The following TAOK3 variants were observed in gnomAD, a reference collection of about 807,000 sequenced individuals.
The protein encoded by TAOK3 is TAO kinase 3.
TAOK3 carries 40 observed loss-of-function variants against 120.4 expected under a neutral mutation model. The observed-to-expected ratio is 0.33, with a 90% CI of 0.26 to 0.43. The LOEUF (loss-of-function observed/expected upper bound fraction) is 0.43, where lower values mean the gene tolerates loss of function less well. TAOK3 is among the 20% of genes least tolerant of loss of function. The probability of loss-of-function intolerance (pLI) is 1.00; values close to 1 mark genes in which losing one functional copy is unlikely to be tolerated. For synonymous variants in TAOK3, 355 were observed against 387.5 expected (o/e 0.92, Z 0.99); for missense variants, 821 against 1,112.1 (o/e 0.74, Z 3.72).
chr12:118,304,118 C>T (rs2042970365), intron 1 of TAOK3, among the ~76,000 whole-genome samples: 1 of 152,120 alleles, frequency 6.6e-6, no homozygotes, highest in South Asian at 2.1e-4. Flanking sequence ...AATGAATAGA[C>T]TATGGTTTTA....
chr12:118,367,986 T>C (rs2045786965), intron 1 of TAOK3, among the ~76,000 whole-genome samples: 1 of 152,198 alleles, frequency 6.6e-6, no homozygotes, highest in Non-Finnish European at 1.5e-5. Flanking sequence ...CCAAATTAGA[T>C]ATCAAGGTAG....
chr12:118,235,679 A>G lies in TAOK3; in HGVS notation c.438-8T>C. 4 of 850,460 alleles carry G rather than the reference A, an allele frequency of 4.7e-6. No individual in the cohort carries two copies. The highest frequency in any genetic ancestry group is 6.1e-6 in the Non-Finnish European group (4 of 652,918). 52.7% of individuals were successfully genotyped at this position (850,460 alleles called of 1,614,324 possible). A position where few individuals can be genotyped will look rare whatever the true frequency, so the allele number is the denominator to read the frequency against. ...TTTCCTGCTTTAATATCCCTATAGG[A>G]AAAAAAAAAAGGGTTAGAAAATTAC... is the stretch of plus-strand genomic sequence containing the variant. On this transcript the variant is annotated splice_polypyrimidine_tract_variant and splice_region_variant and intron_variant, in intron 7 of 20. Coordinates refer to ENST00000392533, the MANE Select transcript of TAOK3 (RefSeq NM_016281.4).
At chr12:118,348,389 AGACTACTT>A (rs2044970413) in intron 1 of TAOK3, among the ~76,000 whole-genome samples, 1 of 152,200 alleles carries the variant, frequency 6.6e-6, no homozygotes, top group African/African-American at 2.4e-5. Context: ...CTGGAATTAA[AGACTACTT>A]GTCCAGCCTC....
At chr12:118,256,707 C>T (rs976082781) in intron 2 of TAOK3, among the ~76,000 whole-genome samples, 1 of 152,050 alleles carries the variant, frequency 6.6e-6, no homozygotes. Context: ...CATGTAATTT[C>T]CAGAATAGGC....
chr12:118,163,842 G>A (rs1388556607), intron 17 of TAOK3, among the ~76,000 whole-genome samples: 2 of 152,166 alleles, frequency 1.3e-5, no homozygotes, highest in East Asian at 3.9e-4. Context: ...CTCCAGAGTA[G>A]CTTGGACTAC....
chr12:118,162,399 G>T (rs17586342), intron 17 of TAOK3, among the ~76,000 whole-genome samples: 28,625 of 151,910 alleles, frequency 0.19, 2,845 homozygotes, highest in African/African-American at 0.24. Context: ...ACACCCTGAC[G>T]GCCCATAAAA....
Position 118,371,726 on chromosome 12 carries a change from C to G in TAOK3, c.-194+922G>C, listed in dbSNP as rs899954800. 3.9e-5 allele frequency among the ~76,000 whole-genome samples: 6 copies of G among 152,080 alleles called. No individual in the cohort carries two copies. The highest frequency in any genetic ancestry group is 8.8e-5 in the Non-Finnish European group (6 of 67,980). On this transcript the variant is annotated intron_variant, in intron 1 of 20. Coordinates refer to ENST00000392533, the MANE Select transcript of TAOK3 (RefSeq NM_016281.4). This position sits in a 1 kb window ranked among gnomAD's most constrained non-coding sequence, Gnocchi z 5.5. ...AACTCAGCGGGCGCGACCCCCCGCC[C>G]GCTCCCTCGCTGCTCACGCCGGGCC...
chr12:118,244,768 G>C (rs537472813), intron 4 of TAOK3, 126 bp downstream of exon 4: 2 of 606,194 alleles, frequency 3.3e-6, no homozygotes, highest in Non-Finnish European at 3.0e-6. Context: ...GACCTCGTGA[G>C]CCGCCCACCT....
At chr12:118,246,780 C>T in intron 3 of TAOK3, 1 of 1,478,184 alleles carries the variant, frequency 6.8e-7, no homozygotes, top group Non-Finnish European at 9.3e-7. Context: ...CACTGCCACC[C>T]TGGGCAACTT....
chr12:118,266,745 T>A lies in TAOK3; in HGVS notation c.-179A>T. ...TCTCTTTTATAACTTCAGTCCTTTG[T>A]ATTTATGATGCAACCTATAGAAAAA... On this transcript the variant is annotated 5_prime_UTR_variant, in exon 2 of 21. Transcript: ENST00000392533. The A allele has an allele frequency of 2.5e-6, 1 of 397,756 alleles. No individual in the cohort carries two copies. The highest frequency in any genetic ancestry group is 4.4e-6 in the Non-Finnish European group (1 of 225,566). The allele number at this position is 397,756 out of a possible 1,614,324, so 24.6% of individuals were successfully genotyped here.
chr12:118,361,929 A>AATAATAAT (rs539500574), intron 1 of TAOK3, among the ~76,000 whole-genome samples: 2 of 132,726 alleles, frequency 1.5e-5, no homozygotes, highest in East Asian at 2.0e-4. Flanking sequence ...ATAATAATAA[A>AATAATAAT]AAAACATGCT....
chr12:118,152,888 A>C (rs1158569073), intron 19 of TAOK3: 1 of 153,764 alleles, frequency 6.5e-6, no homozygotes, highest in East Asian at 1.9e-4. Flanking sequence ...GTTTTCAATA[A>C]ATAGTAGTGG....
At chr12:118,152,694 TG>T (rs1279140703) in intron 19 of TAOK3, 7 of 349,158 alleles carry the variant, frequency 2.0e-5, no homozygotes, top group African/African-American at 1.4e-4. Flanking sequence ...CTCCTGGGCT[TG>T]AATTACAGCT....
intron 1 of TAOK3, among the ~76,000 whole-genome samples, chr12:118,281,884 G>A (rs1392052122): frequency 1.3e-5 from 2 of 152,122 alleles, no homozygotes; most frequent in East Asian, 3.8e-4. Context: ...ATTTCAACAA[G>A]TGATGAGCAT....
chr12:118,191,831 G>A (rs1181499374), intron 13 of TAOK3, among the ~76,000 whole-genome samples: 2 of 152,140 alleles, frequency 1.3e-5, no homozygotes, highest in Admixed American at 1.3e-4. Context: ...AAAGCAAGCA[G>A]CTCTTAAATG....
chr12:118,203,132 C>A (rs1043812851), intron 11 of TAOK3, among the ~76,000 whole-genome samples: 4 of 152,022 alleles, frequency 2.6e-5, no homozygotes, highest in Non-Finnish European at 4.4e-5. Flanking sequence ...TACACACTAT[C>A]CCTTGAAAAA....
chr12:118,371,661 C>A lies in TAOK3; in HGVS notation c.-194+987G>T, dbSNP rs1415168892. Among the ~76,000 whole-genome samples the A allele has an allele frequency of 6.6e-6, 1 of 152,108 alleles. No individual in the cohort carries two copies. Among genetic ancestry groups the A allele is most frequent in the Non-Finnish European group, 1.5e-5 (1 of 67,988 alleles). ...ATTTGCCCGACGCCGCGACTGCGAC[C>A]CAGGCTCCCCGCCGCAGCCGTTCTT... is the stretch of plus-strand genomic sequence containing the variant. On this transcript the variant is annotated intron_variant, in intron 1 of 20. Coordinates refer to ENST00000392533, the MANE Select transcript of TAOK3 (RefSeq NM_016281.4). This position sits in a 1 kb window ranked among gnomAD's most constrained non-coding sequence, Gnocchi z 5.5.
chr12:118,341,510 A>G (rs910591176), intron 1 of TAOK3, among the ~76,000 whole-genome samples: 1 of 152,132 alleles, frequency 6.6e-6, no homozygotes, highest in African/African-American at 2.4e-5. Flanking sequence ...GTTTTAATAA[A>G]TAATTAAATC....
At chr12:118,269,572 A>ATTGGCCAGGCTGG (rs2041615143) in intron 1 of TAOK3, among the ~76,000 whole-genome samples, 1 of 151,402 alleles carries the variant, frequency 6.6e-6, no homozygotes, top group Non-Finnish European at 1.5e-5. Context: ...GTTTCGTTAT[A>ATTGGCCAGGCTGG]TTGGCCAGGC....
Sources: allele counts gnomAD v4.1 joint callset (sites outside exome capture counted in the v4.1 genomes callset), GRCh38; gene constraint gnomAD v4.1.1; non-coding constraint Gnocchi (gnomAD v3.1); transcripts MANE v1.5; gene names NCBI Gene and HGNC (gene_info 2026-07-23, HGNC 2026-07-21).